The following ARSB variants were observed in gnomAD, a reference collection of about 807,000 sequenced individuals.
ARSB encodes N-acetylgalactosamine-4-sulfatase.
Under a neutral mutation model 50.9 loss-of-function variants are expected in ARSB, and 41 were observed. The observed-to-expected ratio is 0.81, with a 90% CI of 0.63 to 1.04. The LOEUF (loss-of-function observed/expected upper bound fraction) is 1.04. Ranked by LOEUF, ARSB falls within the 50% of genes least tolerant of loss-of-function variation. The pLI is 0.00. For missense variants in ARSB, 672 were observed against 693.3 expected, an observed-to-expected ratio of 0.97 and a Z score of 0.35; for synonymous variants, 269 against 284.8, an observed-to-expected ratio of 0.94 and a Z score of 0.56.
chr5:78,820,427 G>C (rs1744163586), intron 6 of ARSB, among the ~76,000 whole-genome samples: 1 of 152,096 alleles, frequency 6.6e-6, no homozygotes, highest in Non-Finnish European at 1.5e-5. Context: ...TGGGTGTGGT[G>C]GTGGACGCCT....
At chr5:78,828,389 T>G (rs978153405) in intron 6 of ARSB, among the ~76,000 whole-genome samples, 1 of 152,188 alleles carries the variant, frequency 6.6e-6, no homozygotes, top group African/African-American at 2.4e-5. Context: ...ATCTCTTCTT[T>G]CATGCCTCCC....
chr5:78,826,316 A>G (rs1744430932), intron 6 of ARSB, among the ~76,000 whole-genome samples: 1 of 152,140 alleles, frequency 6.6e-6, no homozygotes, highest in Non-Finnish European at 1.5e-5. Context: ...AAGTGCTGGG[A>G]TTACAGGCAT....
At chr5:78,791,721 T>C (rs1416221172) in intron 6 of ARSB, among the ~76,000 whole-genome samples, 1 of 152,266 alleles carries the variant, frequency 6.6e-6, no homozygotes, top group African/African-American at 2.4e-5. Flanking sequence ...GTTGTCTAGA[T>C]TTTTGTTTTT....
chr5:78,866,947 G>A (rs961033921), intron 5 of ARSB, among the ~76,000 whole-genome samples: 2 of 152,354 alleles, frequency 1.3e-5, no homozygotes, highest in Admixed American at 6.5e-5. Flanking sequence ...GTGGGCGCAG[G>A]CCAGTGGGTG....
In ARSB at chr5:78,918,509, GTCTCATAAA is replaced by G. The variant is rs1265386539; in HGVS notation, c.899-32691_899-32683del. ...TCTCTATTGCTAACAACTGACATTA[GTCTCATAAA>G]TTTTAAGTGGCAAAAATCTCAATAT... On this transcript the variant is annotated intron_variant, in intron 4 of 7. Coordinates refer to ENST00000264914, the MANE Select transcript of ARSB (RefSeq NM_000046.5). Among the ~76,000 whole-genome samples the G allele has an allele frequency of 2.6e-5, 4 of 151,830 alleles. No homozygotes were observed. In the East Asian group the frequency reaches 7.7e-4, roughly 29 times the overall value.
chr5:78,850,748 G>A (rs1412843733), intron 5 of ARSB, among the ~76,000 whole-genome samples: 1 of 152,128 alleles, frequency 6.6e-6, no homozygotes, highest in Non-Finnish European at 1.5e-5. Context: ...CCTGTTATTG[G>A]TCTATTCAGA....
chr5:78,792,834 G>A (rs1266256119), intron 6 of ARSB, among the ~76,000 whole-genome samples: 1 of 152,182 alleles, frequency 6.6e-6, no homozygotes, highest in Non-Finnish European at 1.5e-5. Flanking sequence ...AAGTCAAGGT[G>A]TGACCAACTG....
chr5:78,842,463 C>T (rs1339044231), intron 5 of ARSB, among the ~76,000 whole-genome samples: 1 of 152,184 alleles, frequency 6.6e-6, no homozygotes, highest in African/African-American at 2.4e-5. Context: ...GAGCATGCCC[C>T]AGACCCTGCG....
chr5:78,922,344 T>C (rs1326956414), intron 4 of ARSB, among the ~76,000 whole-genome samples: 1 of 151,832 alleles, frequency 6.6e-6, no homozygotes, highest in African/African-American at 2.4e-5. Flanking sequence ...GTCTAACAAC[T>C]TGGATACCAG....
intron 6 of ARSB, among the ~76,000 whole-genome samples, chr5:78,788,172 T>C (rs377103519): frequency 3.3e-5 from 5 of 152,194 alleles, no homozygotes; most frequent in African/African-American, 1.2e-4. Flanking sequence ...CCTTCTGAGC[T>C]GAAAGCCACC....
intron 4 of ARSB, among the ~76,000 whole-genome samples, chr5:78,913,963 A>ATT (rs200423948): frequency 0.14 from 18,788 of 138,132 alleles, 1,382 homozygotes; most frequent in Middle Eastern, 0.19. Flanking sequence ...CAATACCATG[A>ATT]TTTTTTTTTT....
At chr5:78,925,335 C>T (rs1056710568) in intron 4 of ARSB, among the ~76,000 whole-genome samples, 1 of 152,046 alleles carries the variant, frequency 6.6e-6, no homozygotes, top group Non-Finnish European at 1.5e-5. Context: ...AAAATAAATG[C>T]CATTCATTTC....
chr5:78,860,991 C>G (rs1475181782), intron 5 of ARSB, among the ~76,000 whole-genome samples: 1 of 152,182 alleles, frequency 6.6e-6, no homozygotes, highest in Non-Finnish European at 1.5e-5. Context: ...CACCTCTATG[C>G]AAATAAACTA....
chr5:78,955,413 G>A lies in ARSB; in HGVS notation c.780C>T (p.Asp260=). The stretch of plus-strand genomic sequence containing the variant: ...TTCCTGCATAGTGATGCCTGTTCTT[G>A]TCTTGGATAAAGTCATATGGCTTCA... ...EYLKPYDFIQ[D]KNRHHYAGMV... is the part of the protein sequence containing the mutation. Residue 260 remains aspartate (D), a synonymous_variant, in exon 4 of 8, where the codon GAC becomes GAT. Transcript: ENST00000264914. The A allele has an allele frequency of 6.2e-7, 1 of 1,614,164 alleles. No homozygotes were observed. Among genetic ancestry groups the A allele is most frequent in the South Asian group, 1.1e-5 (1 of 91,086 alleles).
chr5:78,871,274 C>T (rs1027864382), intron 5 of ARSB, among the ~76,000 whole-genome samples: 1 of 152,160 alleles, frequency 6.6e-6, no homozygotes, highest in African/African-American at 2.4e-5. Context: ...CCAACCCCAT[C>T]AAGCTACCAA....
intron 6 of ARSB, among the ~76,000 whole-genome samples, chr5:78,816,613 A>C (rs1454944154): frequency 6.6e-6 from 1 of 152,242 alleles, no homozygotes; most frequent in African/African-American, 2.4e-5. Flanking sequence ...GGCCTAACCT[A>C]ATCACATGAG....
intron 4 of ARSB, among the ~76,000 whole-genome samples, chr5:78,943,451 G>T (rs575951341): frequency 6.6e-6 from 1 of 152,256 alleles, no homozygotes; most frequent in Non-Finnish European, 1.5e-5. Context: ...CTTCCTTCAG[G>T]AGCTCTTGCA....
At position 78,780,452 on chromosome 5, in the gene ARSB, G is replaced by A. The variant is rs200163298; in HGVS notation, c.1547C>T (p.Ala516Val). The change falls in exon 8 of 8, where the codon GCA becomes GTA. Residue 516 changes from alanine (A) to valine (V), a missense_variant. Physicochemically the swap from Ala to Val is moderately conservative, Grantham distance 64 (BLOSUM62 0). Coordinates refer to ENST00000264914, the MANE Select transcript of ARSB (RefSeq NM_000046.5). ...HKHSVPVYFP[A>V]QDPRCDPKAT... The stretch of plus-strand genomic sequence containing the variant: ...CTTGGGATCACAGCGGGGGTCCTGT[G>A]CAGGGAAGTACACGGGGACTGAGTG... 2.5e-6 allele frequency: 4 copies of A among 1,614,168 alleles called. No homozygotes were observed. Among genetic ancestry groups the A allele is most frequent in the Non-Finnish European group, 3.4e-6 (4 of 1,180,022 alleles).
rs879385823 is a variant in ARSB, at chr5:78,778,168, G to C, written c.*2229C>G. 6.6e-6 allele frequency: 1 copy of C among 152,160 alleles called. No homozygotes were observed. Among genetic ancestry groups the C allele is most frequent in the Non-Finnish European group, 1.5e-5 (1 of 68,040 alleles). 9.4% of individuals were successfully genotyped at this position (152,160 alleles called of 1,614,324 possible). On this transcript the variant is annotated 3_prime_UTR_variant, in exon 8 of 8. Coordinates refer to ENST00000264914, the MANE Select transcript of ARSB (RefSeq NM_000046.5). ...CAACGGCTACCTACACCCAGCCCTG[G>C]GATTCGGAGGATGCAGAAGGAACAT...
Sources: gnomAD v4.1 joint callset for allele counts (sites outside exome capture counted in the v4.1 genomes callset) on GRCh38, gnomAD v4.1.1 for gene constraint, MANE v1.5 for transcripts, NCBI Gene and HGNC (gene_info 2026-07-23, HGNC 2026-07-21) for gene names.